The following FAM118B variants were observed in gnomAD, a reference collection of about 807,000 sequenced individuals.
FAM118B encodes the protein SIR2 antiphage like 1.
Under a neutral mutation model 38.5 loss-of-function variants are expected in FAM118B, and 24 were observed. The observed-to-expected ratio is 0.62, with a 90% CI of 0.45 to 0.88. The LOEUF (loss-of-function observed/expected upper bound fraction) is 0.88. Ranked by LOEUF, FAM118B falls within the 40% of genes least tolerant of loss-of-function variation. The pLI, the probability that FAM118B is intolerant of heterozygous loss-of-function variation, is 0.00. For synonymous variants in FAM118B, 138 were observed against 156.3 expected (o/e 0.88, Z 0.87); for missense variants, 334 against 420.0 (o/e 0.80, Z 1.79).
At chr11:126,227,042 C>G (rs1414201252) in intron 1 of FAM118B, among the ~76,000 whole-genome samples, 3 of 143,382 alleles carry the variant, frequency 2.1e-5, no homozygotes, top group Non-Finnish European at 4.5e-5. Context: ...TGAATGCTCT[C>G]AAACAATACA....
chr11:126,237,052 G>C (rs1224572417), intron 3 of FAM118B, among the ~76,000 whole-genome samples: 2 of 149,202 alleles, frequency 1.3e-5, no homozygotes, highest in African/African-American at 4.9e-5. Context: ...GAGTAGCTGG[G>C]ACTACAGGCG....
At chr11:126,240,729 G>A (rs1950344829) in intron 3 of FAM118B, 63 bp from the exon 4 acceptor site, 1 of 1,485,898 alleles carries the variant, frequency 6.7e-7, no homozygotes, top group South Asian at 1.4e-5. Flanking sequence ...GAGTCAGACA[G>A]TCTTTCTGTG....
At chr11:126,245,906 G>A (rs1950413152) in intron 4 of FAM118B, among the ~76,000 whole-genome samples, 2 of 151,412 alleles carry the variant, frequency 1.3e-5, no homozygotes, top group South Asian at 4.2e-4. Context: ...TGAGGCAGGA[G>A]AATTGCTTGA....
At chr11:126,227,342 G>T (rs1021691500) in intron 1 of FAM118B, among the ~76,000 whole-genome samples, 1 of 151,976 alleles carries the variant, frequency 6.6e-6, no homozygotes, top group Non-Finnish European at 1.5e-5. Context: ...GATTACAGGC[G>T]TGAGCCACCG....
At chr11:126,224,230 T>G (rs1950106751) in intron 1 of FAM118B, among the ~76,000 whole-genome samples, 1 of 152,042 alleles carries the variant, frequency 6.6e-6, no homozygotes, top group African/African-American at 2.4e-5. Flanking sequence ...CCCAGCACTT[T>G]GGGAGAGTGA....
rs983439390 is a variant in FAM118B, at chr11:126,252,120, G to A, written c.567+1387G>A. ...TCCTGCCTCAGCGTCCCGAATAGCT[G>A]GGATTACAGGCACCCGCCATCACGT... On this transcript the variant is annotated intron_variant, in intron 5 of 8. Coordinates refer to ENST00000533050, the MANE Select transcript of FAM118B (RefSeq NM_024556.4). The surrounding 1 kb of genome is among the most constrained non-coding windows in gnomAD (Gnocchi z 4.7). 3.3e-5 allele frequency among the ~76,000 whole-genome samples: 5 copies of A among 152,016 alleles called. No individual in the cohort carries two copies. The highest frequency in any genetic ancestry group is 7.3e-5 in the Non-Finnish European group (5 of 68,028).
At chr11:126,241,146 G>T in intron 4 of FAM118B, 102 bp downstream of exon 4, 1 of 1,233,030 alleles carries the variant, frequency 8.1e-7, no homozygotes, top group South Asian at 1.5e-5. Flanking sequence ...AAATGTAACA[G>T]GGATATTCAT....
At chr11:126,234,491 G>T (rs111704102) in intron 2 of FAM118B, among the ~76,000 whole-genome samples, 1 of 152,184 alleles carries the variant, frequency 6.6e-6, no homozygotes, top group Non-Finnish European at 1.5e-5. Flanking sequence ...GGTCACCATC[G>T]TCCAACAACA....
At chr11:126,258,442 A>G (rs895027368) in intron 7 of FAM118B, among the ~76,000 whole-genome samples, 4 of 152,218 alleles carry the variant, frequency 2.6e-5, no homozygotes, top group African/African-American at 9.6e-5. Context: ...TCCTAAATCA[A>G]ATCATCCCCA....
chr11:126,262,437 C>G lies in FAM118B; in HGVS notation c.*304C>G. 1 of 396,936 alleles carries G rather than the reference C, an allele frequency of 2.5e-6. No individual in the cohort carries two copies. The highest frequency in any genetic ancestry group is 4.5e-6 in the Non-Finnish European group (1 of 222,014). 24.6% of individuals were successfully genotyped at this position (396,936 alleles called of 1,614,324 possible). On this transcript the variant is annotated 3_prime_UTR_variant, in exon 9 of 9. Transcript: ENST00000533050. ...ACACAGCACACCAATGTGATACTTC[C>G]ACTGACCGGCTGCAGCTCTGCATGA...
intron 1 of FAM118B, among the ~76,000 whole-genome samples, chr11:126,226,631 T>C (rs1173994912): frequency 6.6e-6 from 1 of 152,200 alleles, no homozygotes; most frequent in African/African-American, 2.4e-5. Flanking sequence ...TAAAAGGAAA[T>C]GCAACTACCT....
chr11:126,212,005 G>A (rs1311212751), intron 1 of FAM118B, among the ~76,000 whole-genome samples, 175 bp downstream of exon 1: 2 of 152,188 alleles, frequency 1.3e-5, no homozygotes. Flanking sequence ...CCCCTTAGGA[G>A]CGATGTCCCA....
At chr11:126,227,374 A>G (rs905185554) in intron 1 of FAM118B, among the ~76,000 whole-genome samples, 1 of 152,128 alleles carries the variant, frequency 6.6e-6, no homozygotes, top group African/African-American at 2.4e-5. Flanking sequence ...AAGCTTATTC[A>G]TAAATCCTTC....
chr11:126,234,804 T>G (rs1365414852), intron 2 of FAM118B, among the ~76,000 whole-genome samples, 191 bp from the exon 3 acceptor site: 1 of 152,234 alleles, frequency 6.6e-6, no homozygotes, highest in Non-Finnish European at 1.5e-5. Flanking sequence ...TCCAGATTAC[T>G]TCTTTTAGAC....
At position 126,222,920 on chromosome 11, in the gene FAM118B, G is replaced by A. The variant is rs1950083567; in HGVS notation, c.-76-6305G>A. Among the ~76,000 whole-genome samples, 2 of 152,192 alleles carry A rather than the reference G, an allele frequency of 1.3e-5. 1 individual carries two copies. Among genetic ancestry groups the A allele is most frequent in the South Asian group, 4.1e-4 (2 of 4,832 alleles). ...TTGTGGGAGAGGCCAATAATTGCAA[G>A]TACTGTGAGATACAAACTAGGAGAT... On this transcript the variant is annotated intron_variant, in intron 1 of 8. Transcript: ENST00000533050.
At chr11:126,228,759 C>T (rs1175004498) in intron 1 of FAM118B, among the ~76,000 whole-genome samples, 1 of 152,074 alleles carries the variant, frequency 6.6e-6, no homozygotes, top group East Asian at 1.9e-4. Context: ...TGGGGTTTCA[C>T]CATCTTGGCC....
chr11:126,224,247 C>T (rs867562735), intron 1 of FAM118B, among the ~76,000 whole-genome samples: 4 of 151,944 alleles, frequency 2.6e-5, no homozygotes, highest in South Asian at 2.1e-4. Flanking sequence ...GTGAGGCAGG[C>T]GGATTGCTTG....
At chr11:126,254,743 T>C (rs187007085) in intron 6 of FAM118B, among the ~76,000 whole-genome samples, 90 of 152,240 alleles carry the variant, frequency 5.9e-4, no homozygotes, top group African/African-American at 2.1e-3. Flanking sequence ...GGAAGATTAG[T>C]TGAGACTAGG....
Position 126,256,533 on chromosome 11 carries a change from C to T in FAM118B, c.697-34C>T. 1.2e-6 allele frequency: 2 copies of T among 1,600,756 alleles called. No individual in the cohort carries two copies. The highest frequency in any genetic ancestry group is 8.5e-7 in the Non-Finnish European group (1 of 1,171,812). ...TTCAGACTTGCCTTGAGTGTGTCTT[C>T]ACAATGTCAATATGTTGTATCTTTT... On this transcript the variant is annotated intron_variant, in intron 6 of 8. Coordinates refer to ENST00000533050, the MANE Select transcript of FAM118B (RefSeq NM_024556.4). This position sits in a 1 kb window ranked among gnomAD's most constrained non-coding sequence, Gnocchi z 6.6.
Sources: gnomAD v4.1 joint callset for allele counts (sites outside exome capture counted in the v4.1 genomes callset) on GRCh38, gnomAD v4.1.1 for gene constraint, Gnocchi (gnomAD v3.1) non-coding constraint, MANE v1.5 for transcripts, NCBI Gene and HGNC (gene_info 2026-07-23, HGNC 2026-07-21) for gene names.